Variants in ONECUT2 observed in about 807,000 individuals in gnomAD.
ONECUT2 encodes one cut domain family member 2.
Under a neutral mutation model 27.9 loss-of-function variants are expected in ONECUT2, and 10 were observed. That is an observed-to-expected ratio of 0.36 (90% CI 0.22 to 0.61). The LOEUF is 0.61. Among genes scored for constraint, ONECUT2 ranks in the 20% least tolerant of loss-of-function variants. ONECUT2 has a pLI of 0.73. For synonymous variants in ONECUT2, 334 were observed against 315.1 expected, an observed-to-expected ratio of 1.06 and a Z score of -0.64; for missense variants, 686 against 721.0, an observed-to-expected ratio of 0.95 and a Z score of 0.56.
intron 1 of ONECUT2, among the ~76,000 whole-genome samples, chr18:57,443,080 A>G (rs961539009): frequency 1.3e-5 from 2 of 152,228 alleles, no homozygotes; most frequent in African/African-American, 4.8e-5. Flanking sequence ...TCAGGAAGAA[A>G]GTCCTGGGCT....
chr18:57,483,209 C>T lies in ONECUT2; in HGVS notation c.*6486C>T, dbSNP rs2122163572. 1 of 152,182 alleles carries T rather than the reference C, an allele frequency of 6.6e-6. No homozygotes were observed. Among genetic ancestry groups the T allele is most frequent in the African/African-American group, 2.4e-5 (1 of 41,420 alleles). 9.4% of individuals were successfully genotyped at this position (152,182 alleles called of 1,614,324 possible). A position where few individuals can be genotyped will look rare whatever the true frequency, so the allele number is the denominator to read the frequency against. The stretch of plus-strand genomic sequence containing the variant: ...TGGGGAGACAGTGGGCTCTGGTTTC[C>T]AGGATTGAGACAATGGTACTGCGGT... On this transcript the variant is annotated 3_prime_UTR_variant, in exon 2 of 2. Transcript: ENST00000491143.
intron 1 of ONECUT2, among the ~76,000 whole-genome samples, chr18:57,459,167 C>T (rs911964362): frequency 2.6e-5 from 4 of 152,174 alleles, no homozygotes; most frequent in Admixed American, 2.6e-4. Flanking sequence ...CAAGACCCAT[C>T]TATATGTTGC....
At position 57,476,431 on chromosome 18, in the gene ONECUT2, T is replaced by C. The variant is rs774522082; in HGVS notation, c.1229-6T>C. The C allele has an allele frequency of 1.9e-6, 3 of 1,613,140 alleles. No homozygotes were observed. The highest frequency in any genetic ancestry group is 1.6e-4 in the Middle Eastern group (1 of 6,062). On this transcript the variant is annotated splice_region_variant and splice_polypyrimidine_tract_variant and intron_variant, in intron 1 of 1. Coordinates refer to ENST00000491143, the MANE Select transcript of ONECUT2 (RefSeq NM_004852.3). ...GACTCCTCTCCTTCTTCTCTTTCCC[T>C]TCAAGCGTGCAAACGCAAAGAGCAA... is the stretch of plus-strand genomic sequence containing the variant.
rs746246111 is a variant in ONECUT2, at chr18:57,436,977, T to C, written c.1228+33T>C. On this transcript the variant is annotated intron_variant, in intron 1 of 1. Transcript: ENST00000491143. This position sits in a 1 kb window ranked among gnomAD's most constrained non-coding sequence, Gnocchi z 5.9. ...CGGGGCTAGCCAGGGGCCAGGCTGC[T>C]GGGAAGAGGGCTCCGGGTCCGGTGC... is the stretch of plus-strand genomic sequence containing the variant. 23 of 1,537,974 alleles carry C rather than the reference T, an allele frequency of 1.5e-5. No individual in the cohort carries two copies. The highest frequency in any genetic ancestry group is 1.8e-5 in the Non-Finnish European group (21 of 1,141,848).
chr18:57,476,691 T>G lies in ONECUT2; in HGVS notation c.1483T>G (p.Ser495Ala). ...WQDDLSTGGS[S>A]STSSTCTKA ...AGACGATCTGAGCACAGGGGGCTCC[T>G]CGTCCACCTCCAGCACGTGTACCAA... Residue 495 changes from serine (S) to alanine (A), a missense_variant, in exon 2 of 2, where the codon TCG becomes GCG. Ser to Ala is a moderately conservative substitution (Grantham distance 99). Coordinates refer to ENST00000491143, the MANE Select transcript of ONECUT2 (RefSeq NM_004852.3). 1 of 1,614,118 alleles carries G rather than the reference T, an allele frequency of 6.2e-7. No homozygotes were observed. The highest frequency in any genetic ancestry group is 8.5e-7 in the Non-Finnish European group (1 of 1,180,038).
At chr18:57,469,996 C>T (rs149075611) in intron 1 of ONECUT2, among the ~76,000 whole-genome samples, 1 of 152,236 alleles carries the variant, frequency 6.6e-6, no homozygotes, top group African/African-American at 2.4e-5. Context: ...AAAGGTCATT[C>T]TTGGCTTCTG....
intron 1 of ONECUT2, among the ~76,000 whole-genome samples, chr18:57,438,433 C>CGGA (rs1354817239): frequency 6.6e-6 from 1 of 152,198 alleles, no homozygotes; most frequent in Non-Finnish European, 1.5e-5. Flanking sequence ...AGCTCGCTTC[C>CGGA]GGAGCTGCGA....
chr18:57,445,829 G>A lies in ONECUT2; in HGVS notation c.1228+8885G>A, dbSNP rs373022222. 2.6e-5 allele frequency among the ~76,000 whole-genome samples: 4 copies of A among 152,238 alleles called. No homozygotes were observed. In the East Asian group the frequency reaches 5.8e-4, roughly 22 times the overall value. On this transcript the variant is annotated intron_variant, in intron 1 of 1. Coordinates refer to ENST00000491143, the MANE Select transcript of ONECUT2 (RefSeq NM_004852.3). ...CACTTGTTTAAAAAACCAAAGCAAAGCACAGTAACTGCAGCAATACCCTGG... is the reference window on the plus strand; with the variant it reads ...CACTTGTTTAAAAAACCAAAGCAAAACACAGTAACTGCAGCAATACCCTGG...
In ONECUT2 at chr18:57,436,360, A is replaced by G. The variant is rs2050141841; in HGVS notation, c.644A>G (p.Lys215Arg). Residue 215 changes from lysine to arginine, a missense_variant, in exon 1 of 2, where the codon AAG becomes AGG. Lys to Arg is a conservative substitution (Grantham distance 26, BLOSUM62 2). This residue lies in a region of ONECUT2 where 511 missense variants were observed against 488.1 expected (regional missense o/e 1.05). Coordinates refer to ENST00000491143, the MANE Select transcript of ONECUT2 (RefSeq NM_004852.3). The surrounding 1 kb of genome is among the most constrained non-coding windows in gnomAD (Gnocchi z 5.9). ...PAMNNLYSPYKEMPGMSQSLS... is the reference protein window; with the variant it reads ...PAMNNLYSPYREMPGMSQSLS... ...ATGAACAACCTCTACAGTCCCTACA[A>G]GGAGATGCCCGGCATGAGCCAGAGC... 1 of 1,607,210 alleles carries G rather than the reference A, an allele frequency of 6.2e-7. No homozygotes were observed. Among genetic ancestry groups the G allele is most frequent in the African/African-American group, 1.3e-5 (1 of 75,046 alleles).
chr18:57,453,709 G>T (rs944758666), intron 1 of ONECUT2, among the ~76,000 whole-genome samples: 1 of 152,152 alleles, frequency 6.6e-6, no homozygotes, highest in Non-Finnish European at 1.5e-5. Context: ...TTACAGACTC[G>T]CAGTCCAGCT....
intron 1 of ONECUT2, among the ~76,000 whole-genome samples, chr18:57,452,405 A>T (rs2050235516): frequency 6.9e-6 from 1 of 145,824 alleles, no homozygotes; most frequent in Non-Finnish European, 1.5e-5. Context: ...CTTGTAGCTC[A>T]ACCTGTATTT....
At chr18:57,442,555 G>A (rs1280503003) in intron 1 of ONECUT2, among the ~76,000 whole-genome samples, 1 of 152,142 alleles carries the variant, frequency 6.6e-6, no homozygotes, top group African/African-American at 2.4e-5. Context: ...AAACTACAAT[G>A]AGATAGCTGG....
intron 1 of ONECUT2, among the ~76,000 whole-genome samples, chr18:57,458,858 C>T (rs1472852008): frequency 6.6e-6 from 1 of 152,180 alleles, no homozygotes; most frequent in Non-Finnish European, 1.5e-5. Flanking sequence ...TCCTATTTCC[C>T]TGACACTTGC....
chr18:57,470,848 C>T (rs1452571890), intron 1 of ONECUT2, among the ~76,000 whole-genome samples: 1 of 152,088 alleles, frequency 6.6e-6, no homozygotes, highest in African/African-American at 2.4e-5. Context: ...GGCCCTCCCC[C>T]ATCTCTCTCC....
chr18:57,449,560 A>G (rs534791925), intron 1 of ONECUT2, among the ~76,000 whole-genome samples: 1 of 152,236 alleles, frequency 6.6e-6, no homozygotes, highest in Non-Finnish European at 1.5e-5. Flanking sequence ...CCAAATCTTC[A>G]GATTATCGCC....
chr18:57,466,584 T>C (rs1412077367), intron 1 of ONECUT2, among the ~76,000 whole-genome samples: 1 of 152,214 alleles, frequency 6.6e-6, no homozygotes, highest in Admixed American at 6.5e-5. Flanking sequence ...GGCTTCTGCA[T>C]AGGCAGAAGA....
In ONECUT2 at chr18:57,438,672, A is replaced by C. The variant is rs373061957; in HGVS notation, c.1228+1728A>C. 9.8e-5 allele frequency among the ~76,000 whole-genome samples: 15 copies of C among 152,306 alleles called. 1 individual carries two copies. Among genetic ancestry groups the C allele is most frequent in the African/African-American group, 3.6e-4 (15 of 41,562 alleles). ...CCGCAGTGTTGATCTAAGAAGGTAA[A>C]GAAAACTAGGTTTCCCTGCAAAGAG... is the stretch of plus-strand genomic sequence containing the variant. On this transcript the variant is annotated intron_variant, in intron 1 of 1. Coordinates refer to ENST00000491143, the MANE Select transcript of ONECUT2 (RefSeq NM_004852.3).
intron 1 of ONECUT2, among the ~76,000 whole-genome samples, chr18:57,448,267 A>G (rs2050211784): frequency 6.6e-6 from 1 of 152,230 alleles, no homozygotes; most frequent in South Asian, 2.1e-4. Context: ...GAGGTAGAGC[A>G]TTGGAATAGA....
chr18:57,456,650 T>C (rs1164577962), intron 1 of ONECUT2, among the ~76,000 whole-genome samples: 1 of 152,202 alleles, frequency 6.6e-6, no homozygotes, highest in Non-Finnish European at 1.5e-5. Context: ...ATATAAAAGT[T>C]CTGGAGATTG....
Sources: allele counts gnomAD v4.1 joint callset (sites outside exome capture counted in the v4.1 genomes callset), GRCh38; gene constraint gnomAD v4.1.1; regional missense constraint gnomAD v4.1.1; non-coding constraint Gnocchi (gnomAD v3.1); transcripts MANE v1.5; gene names NCBI Gene and HGNC (gene_info 2026-07-23, HGNC 2026-07-21).